The following BICD1 variants were observed in gnomAD, a reference collection of about 807,000 sequenced individuals.
BICD1 encodes the protein protein bicaudal D homolog 1.
BICD1 carries 35 observed loss-of-function variants against 92.5 expected under a neutral mutation model. That is an observed-to-expected ratio of 0.38 (90% CI 0.29 to 0.50). The LOEUF is 0.50. Among genes scored for constraint, BICD1 ranks in the 20% least tolerant of loss-of-function variants. BICD1 has a pLI of 0.93. For synonymous variants in BICD1, 429 were observed against 465.1 expected (o/e 0.92, Z 1.00); for missense variants, 950 against 1,189.8 (o/e 0.80, Z 2.97).
intron 3 of BICD1, among the ~76,000 whole-genome samples, chr12:32,296,246 GTTTTTTTTTGTTTTTT>G (rs1209932201): frequency 9.2e-6 from 1 of 108,610 alleles, no homozygotes; most frequent in Admixed American, 1.3e-4. Context: ...ATAAGAAGGG[GTTTTTTTTTGTTTTTT>G]TTTTTTTTTT....
chr12:32,311,750 A>G (rs143929515), intron 4 of BICD1, among the ~76,000 whole-genome samples: 21 of 152,262 alleles, frequency 1.4e-4, no homozygotes, highest in Admixed American at 7.2e-4. Context: ...AATGTTTCTT[A>G]TTGCACTTAG....
intron 2 of BICD1, chr12:32,228,011 G>A (rs566487528): frequency 1.0e-4 from 25 of 243,704 alleles, no homozygotes; most frequent in African/African-American, 4.3e-4. Flanking sequence ...TAAGGTAGAC[G>A]ATGCCTTTCT....
chr12:32,223,973 T>C (rs1197847663), intron 2 of BICD1, among the ~76,000 whole-genome samples: 1 of 152,144 alleles, frequency 6.6e-6, no homozygotes, highest in Non-Finnish European at 1.5e-5. Context: ...ATATAACAGA[T>C]AAAATAATAA....
At chr12:32,150,037 C>T (rs1943243730) in intron 1 of BICD1, among the ~76,000 whole-genome samples, 1 of 152,176 alleles carries the variant, frequency 6.6e-6, no homozygotes, top group Non-Finnish European at 1.5e-5. Context: ...TACATGGCAG[C>T]AGGCAAGAGG....
chr12:32,211,525 A>T (rs1022767025), intron 1 of BICD1, among the ~76,000 whole-genome samples: 2 of 152,208 alleles, frequency 1.3e-5, no homozygotes, highest in African/African-American at 2.4e-5. Context: ...CAATAAATTC[A>T]CTTGCTCTTA....
chr12:32,180,123 C>A (rs546706660), intron 1 of BICD1, among the ~76,000 whole-genome samples: 1 of 151,924 alleles, frequency 6.6e-6, no homozygotes, highest in African/African-American at 2.4e-5. Flanking sequence ...TTTAGACTTT[C>A]ATTTTCTCCC....
chr12:32,354,109 T>C (rs1939002720), intron 8 of BICD1: 1 of 152,240 alleles, frequency 6.6e-6, no homozygotes, highest in African/African-American at 2.4e-5. Context: ...TATTTCTCTT[T>C]TGCAAGATTT....
chr12:32,288,223 A>ATTTTTTTTTTTTTTTTTTTTTTT (rs34913740), intron 2 of BICD1, among the ~76,000 whole-genome samples: 2 of 109,508 alleles, frequency 1.8e-5, no homozygotes, highest in Non-Finnish European at 1.8e-5. Context: ...CCAAGTCCTA[A>ATTTTTTTTTTTTTTTTTTTTTTT]TTTTTTTTTT....
intron 9 of BICD1, among the ~76,000 whole-genome samples, chr12:32,374,980 GCGATCTCGGCT>G (rs200579763): frequency 0.36 from 47,891 of 132,264 alleles, 8,619 homozygotes; most frequent in East Asian, 0.42. Flanking sequence ...GTGCAATGGC[GCGATCTCGGCT>G]CACTGCAAGC....
At chr12:32,273,686 G>C (rs1192456034) in intron 2 of BICD1, among the ~76,000 whole-genome samples, 8 of 152,188 alleles carry the variant, frequency 5.3e-5, no homozygotes, top group African/African-American at 1.9e-4. Context: ...TCACTAGCTA[G>C]TCCATTTCAT....
chr12:32,338,653 CA>C, intron 7 of BICD1, 132 bp from the exon 8 acceptor site: 2 of 717,048 alleles, frequency 2.8e-6, no homozygotes, highest in Non-Finnish European at 4.2e-6. Context: ...AAAAAAAAAG[CA>C]AAAAGATTGA....
At chr12:32,165,959 A>C (rs1943751438) in intron 1 of BICD1, among the ~76,000 whole-genome samples, 1 of 152,052 alleles carries the variant, frequency 6.6e-6, no homozygotes, top group Non-Finnish European at 1.5e-5. Context: ...TGTTTCTGTG[A>C]ATTACGAAAA....
At chr12:32,114,968 T>C (rs1190294193) in intron 1 of BICD1, among the ~76,000 whole-genome samples, 2 of 152,216 alleles carry the variant, frequency 1.3e-5, no homozygotes, top group African/African-American at 4.8e-5. Flanking sequence ...ATTTAATCTT[T>C]ATTGAAGATG....
At chr12:32,333,833 T>G (rs1305829723) in intron 5 of BICD1, among the ~76,000 whole-genome samples, 1 of 152,242 alleles carries the variant, frequency 6.6e-6, no homozygotes, top group East Asian at 1.9e-4. Context: ...AAATCCCAGA[T>G]TCAAACAAAT....
At chr12:32,149,478 A>G (rs569142432) in intron 1 of BICD1, among the ~76,000 whole-genome samples, 2 of 152,366 alleles carry the variant, frequency 1.3e-5, no homozygotes, top group South Asian at 4.1e-4. Flanking sequence ...ATATTGCTTC[A>G]TGTTGCAAAA....
chr12:32,273,242 T>C (rs143989483), intron 2 of BICD1, among the ~76,000 whole-genome samples: 1 of 152,338 alleles, frequency 6.6e-6, no homozygotes, highest in Non-Finnish European at 1.5e-5. Flanking sequence ...TATTGCACTC[T>C]ACTCTCATAG....
intron 1 of BICD1, among the ~76,000 whole-genome samples, chr12:32,120,929 A>T (rs1942125729): frequency 6.6e-6 from 1 of 151,364 alleles, no homozygotes. Context: ...TGTGCTCCAA[A>T]CTGATTATAA....
chr12:32,146,621 A>G (rs568572721), intron 1 of BICD1, among the ~76,000 whole-genome samples: 6 of 152,338 alleles, frequency 3.9e-5, no homozygotes, highest in African/African-American at 1.4e-4. Context: ...GAAGGAAAAG[A>G]GGTACAGATG....
In BICD1 at chr12:32,380,699, A is replaced by G. The variant is rs1017504664; in HGVS notation, c.*3072A>G. 1.3e-5 allele frequency: 2 copies of G among 152,168 alleles called. No homozygotes were observed. The highest frequency in any genetic ancestry group is 2.9e-5 in the Non-Finnish European group (2 of 67,994). The allele number at this position is 152,168 out of a possible 1,614,324, so 9.4% of individuals were successfully genotyped here. ...TCCATTAGATCCCATTCATATATCCAACTCTGGATTCTAATAAAATAATTT... is the reference window on the plus strand; with the variant it reads ...TCCATTAGATCCCATTCATATATCCGACTCTGGATTCTAATAAAATAATTT... On this transcript the variant is annotated 3_prime_UTR_variant, in exon 10 of 10. Coordinates refer to ENST00000652176, the MANE Select transcript of BICD1 (RefSeq NM_001714.4).
Sources: allele counts gnomAD v4.1 joint callset (sites outside exome capture counted in the v4.1 genomes callset), GRCh38; gene constraint gnomAD v4.1.1; transcripts MANE v1.5; gene names NCBI Gene and HGNC (gene_info 2026-07-23, HGNC 2026-07-21).